Variants in TPTE observed in about 807,000 individuals in gnomAD.
TPTE encodes the protein putative tyrosine-protein phosphatase TPTE.
TPTE carries 59 observed loss-of-function variants against 84.1 expected under a neutral mutation model. The ratio of observed to expected loss-of-function variants is 0.70; its 90% CI spans 0.57 to 0.87. The LOEUF (loss-of-function observed/expected upper bound fraction) is 0.87. Ranked by LOEUF, TPTE falls within the 40% of genes least tolerant of loss-of-function variation. The probability of loss-of-function intolerance (pLI) is 0.00; values close to 1 mark genes in which losing one functional copy is unlikely to be tolerated. For missense variants in TPTE, 382 were observed against 659.6 expected (o/e 0.58, Z 4.61); for synonymous variants, 130 against 223.5 (o/e 0.58, Z 3.73).
chr21:10,535,558 TTAGTATATTTGTCACTCTAAGTTAG>T (rs1188159909), intron 3 of TPTE, among the ~76,000 whole-genome samples: 1 of 152,298 alleles, frequency 6.6e-6, no homozygotes, highest in Non-Finnish European at 1.5e-5. Flanking sequence ...CTTCTTCCTC[TTAGTATATTTGTCACTCTAAGTTAG>T]TAGTATCCAA....
At chr21:10,585,996 AT>A (rs1181412393) in intron 17 of TPTE, among the ~76,000 whole-genome samples, 26 of 152,366 alleles carry the variant, frequency 1.7e-4, no homozygotes, top group Middle Eastern at 3.4e-3. Flanking sequence ...CCACGGATTT[AT>A]CAATTTTACT....
At chr21:10,525,280 C>T (rs1207945705) in intron 2 of TPTE, among the ~76,000 whole-genome samples, 4 of 152,426 alleles carry the variant, frequency 2.6e-5, no homozygotes, top group Middle Eastern at 3.4e-3. Flanking sequence ...AATCAACTAA[C>T]GTGTTTTGGA....
chr21:10,542,934 C>A (rs1386493623), intron 6 of TPTE, among the ~76,000 whole-genome samples: 1 of 152,080 alleles, frequency 6.6e-6, no homozygotes, highest in East Asian at 1.9e-4. Flanking sequence ...GATAGGAATT[C>A]ATTGGTTTCT....
intron 8 of TPTE, among the ~76,000 whole-genome samples, chr21:10,556,362 G>A (rs1374838309): frequency 6.6e-6 from 1 of 152,310 alleles, no homozygotes; most frequent in Non-Finnish European, 1.5e-5. Context: ...TCCCTACAAA[G>A]GACATGAACT....
chr21:10,565,483 C>A (rs1347817641), intron 10 of TPTE, among the ~76,000 whole-genome samples: 1 of 152,424 alleles, frequency 6.6e-6, no homozygotes, highest in Non-Finnish European at 1.5e-5. Context: ...GAATGACATT[C>A]TTCACAGAAA....
intron 10 of TPTE, among the ~76,000 whole-genome samples, chr21:10,564,584 T>C (rs1486798077): frequency 6.6e-6 from 1 of 152,304 alleles, no homozygotes; most frequent in Non-Finnish European, 1.5e-5. Context: ...CTGATAAATA[T>C]TGATGCAAAA....
At chr21:10,526,252 C>T (rs1187227400) in intron 2 of TPTE, among the ~76,000 whole-genome samples, 1 of 152,312 alleles carries the variant, frequency 6.6e-6, no homozygotes, top group African/African-American at 2.4e-5. Flanking sequence ...TCATGGCCCT[C>T]AGACCAGGCT....
intron 14 of TPTE, among the ~76,000 whole-genome samples, chr21:10,571,114 G>A (rs1325015533): frequency 2.5e-3 from 383 of 151,382 alleles, no homozygotes; most frequent in Non-Finnish European, 2.9e-3. Context: ...AACTAGCAAA[G>A]CCACTGCAGC....
At chr21:10,528,525 T>C (rs1418264648) in intron 3 of TPTE, among the ~76,000 whole-genome samples, 4 of 152,424 alleles carry the variant, frequency 2.6e-5, no homozygotes, top group African/African-American at 9.6e-5. Context: ...CCGCTCCATG[T>C]GGCAAATCTC....
At chr21:10,583,828 G>A (rs1406093144) in intron 17 of TPTE, among the ~76,000 whole-genome samples, 1 of 152,310 alleles carries the variant, frequency 6.6e-6, no homozygotes, top group Non-Finnish European at 1.5e-5. Flanking sequence ...CTACCCTGAG[G>A]AACATGAATC....
chr21:10,525,654 T>C (rs1335969506), intron 2 of TPTE, among the ~76,000 whole-genome samples: 1 of 152,310 alleles, frequency 6.6e-6, no homozygotes, highest in Admixed American at 6.5e-5. Flanking sequence ...GTTGCTCCTA[T>C]CTACCAAAAA....
At chr21:10,528,253 A>G (rs1346135389) in intron 3 of TPTE, among the ~76,000 whole-genome samples, 23 of 152,422 alleles carry the variant, frequency 1.5e-4, no homozygotes, top group East Asian at 3.8e-4. Context: ...TTACCTTTCA[A>G]TCCTTTGCAC....
At chr21:10,547,768 G>A (rs2074495707) in intron 7 of TPTE, among the ~76,000 whole-genome samples, 1 of 152,312 alleles carries the variant, frequency 6.6e-6, no homozygotes. Context: ...CTGTGTGGAG[G>A]TTGGTCCCAG....
At chr21:10,597,788 A>AT (rs60360697) in intron 20 of TPTE, among the ~76,000 whole-genome samples, 3,690 of 149,706 alleles carry the variant, frequency 0.025, no homozygotes, top group South Asian at 0.035. Context: ...AACTATATGT[A>AT]TTTTTTTTCC....
chr21:10,582,708 C>G (rs567878969), intron 17 of TPTE, among the ~76,000 whole-genome samples: 11 of 152,310 alleles, frequency 7.2e-5, no homozygotes, highest in African/African-American at 2.7e-4. Context: ...TGGGTTGTTT[C>G]CAATTTTTAT....
chr21:10,538,973 G>C (rs866732516), intron 4 of TPTE, among the ~76,000 whole-genome samples: 29 of 152,420 alleles, frequency 1.9e-4, no homozygotes, highest in Middle Eastern at 3.4e-3. Flanking sequence ...CATAGAGAGT[G>C]GTTTTTAACA....
chr21:10,572,644 T>C (rs1786369539), intron 14 of TPTE, among the ~76,000 whole-genome samples: 2 of 152,286 alleles, frequency 1.3e-5, no homozygotes, highest in African/African-American at 4.8e-5. Context: ...AAGAATACGA[T>C]ACCTAGTAGA....
rs556771197 is a variant in TPTE at position 10,562,240 on chromosome 21, A to G, written c.446+1049A>G. On this transcript the variant is annotated intron_variant, in intron 10 of 23. Coordinates refer to ENST00000618007, the MANE Select transcript of TPTE (RefSeq NM_199261.4). ...TCACAGTATCCAAGTTCTTTCAAATATCTGGAAAGCCTTCCCAAGAAAGAT... is the reference window on the plus strand; with the variant it reads ...TCACAGTATCCAAGTTCTTTCAAATGTCTGGAAAGCCTTCCCAAGAAAGAT... Among the ~76,000 whole-genome samples the G allele has an allele frequency of 5.4e-4, 82 of 152,382 alleles. No homozygotes were observed. The East Asian group carries it at 0.01, about 19-fold the overall frequency.
At chr21:10,563,138 C>A (rs1013267393) in intron 10 of TPTE, among the ~76,000 whole-genome samples, 2 of 152,306 alleles carry the variant, frequency 1.3e-5, no homozygotes, top group Non-Finnish European at 2.9e-5. Flanking sequence ...AAACATTTAC[C>A]CTAGAACAGT....
Sources: gnomAD v4.1 joint callset for allele counts (sites outside exome capture counted in the v4.1 genomes callset) on GRCh38, gnomAD v4.1.1 for gene constraint, MANE v1.5 for transcripts, NCBI Gene and HGNC (gene_info 2026-07-23, HGNC 2026-07-21) for gene names.